Variants in PHF14 observed in about 807,000 individuals in gnomAD.
The protein encoded by PHF14 is PHD finger protein 14.
PHF14 carries 55 observed loss-of-function variants against 117.9 expected under a neutral mutation model. That is an observed-to-expected ratio of 0.47 (90% CI 0.38 to 0.58). PHF14 has a LOEUF of 0.58. Among genes scored for constraint, PHF14 ranks in the 20% least tolerant of loss-of-function variants. The pLI, the probability that PHF14 is intolerant of heterozygous loss-of-function variation, is 0.00. For synonymous variants in PHF14, 409 were observed against 368.6 expected (o/e 1.11, Z -1.26); for missense variants, 978 against 1,122.2 (o/e 0.87, Z 1.84).
intron 17 of PHF14, among the ~76,000 whole-genome samples, chr7:11,167,919 G>A (rs574513004): frequency 5.3e-5 from 8 of 151,838 alleles, no homozygotes; most frequent in Admixed American, 4.6e-4. Context: ...CCAGCTACTC[G>A]GGAGGCTGAG....
intron 17 of PHF14, among the ~76,000 whole-genome samples, chr7:11,153,268 G>C (rs1409605781): frequency 6.6e-6 from 1 of 152,008 alleles, no homozygotes; most frequent in Non-Finnish European, 1.5e-5. Flanking sequence ...GATACCCTTG[G>C]GTGATAAAGA....
intron 6 of PHF14, among the ~76,000 whole-genome samples, chr7:11,024,610 A>T (rs1783848880): frequency 6.6e-6 from 1 of 152,152 alleles, no homozygotes; most frequent in South Asian, 2.1e-4. Context: ...ATTATGTTAA[A>T]TCTACTCTGC....
chr7:10,986,605 C>T (rs780135770), intron 3 of PHF14, among the ~76,000 whole-genome samples: 6 of 152,166 alleles, frequency 3.9e-5, no homozygotes, highest in Non-Finnish European at 7.4e-5. Context: ...CTGTTTTTGT[C>T]AATAACCTTA....
Position 11,045,411 on chromosome 7 carries a change from G to A in PHF14, c.2312+2597G>A, listed in dbSNP as rs1359883817. 2.6e-5 allele frequency among the ~76,000 whole-genome samples: 4 copies of A among 151,926 alleles called. No individual in the cohort carries two copies. The East Asian group carries it at 5.8e-4, about 22-fold the overall frequency. On this transcript the variant is annotated intron_variant, in intron 13 of 17. Transcript: ENST00000634607. ...TCTGGTATAATATTTCTGAATGGCCGGTTTATTTTTGCTGTCTTTATGTTT... is the reference window on the plus strand; with the variant it reads ...TCTGGTATAATATTTCTGAATGGCCAGTTTATTTTTGCTGTCTTTATGTTT...
At chr7:11,068,072 C>A (rs201123246) in intron 16 of PHF14, among the ~76,000 whole-genome samples, 1 of 152,028 alleles carries the variant, frequency 6.6e-6, no homozygotes, top group African/African-American at 2.4e-5. Context: ...AATTCTGGGC[C>A]GGGTGCGGTG....
chr7:11,157,480 T>G (rs775963966), intron 17 of PHF14, among the ~76,000 whole-genome samples: 15 of 152,148 alleles, frequency 9.9e-5, no homozygotes, highest in Non-Finnish European at 1.9e-4. Context: ...CAAATGATGC[T>G]TCTATGGAGA....
At chr7:11,141,200 A>G (rs930599997) in intron 17 of PHF14, among the ~76,000 whole-genome samples, 4 of 152,086 alleles carry the variant, frequency 2.6e-5, no homozygotes, top group African/African-American at 2.4e-5. Context: ...TTCATTTAGC[A>G]TAGTTGAGAT....
intron 3 of PHF14, among the ~76,000 whole-genome samples, chr7:10,984,292 G>C (rs912935697): frequency 3.9e-5 from 6 of 152,098 alleles, no homozygotes; most frequent in Admixed American, 2.0e-4. Flanking sequence ...TATCAGTGGA[G>C]ATGAGACAGC....
intron 13 of PHF14, among the ~76,000 whole-genome samples, chr7:11,049,777 C>T (rs1784791483): frequency 6.6e-6 from 1 of 152,104 alleles, no homozygotes; most frequent in South Asian, 2.1e-4. Flanking sequence ...TTTTCTTTTG[C>T]CAGTCCTTGA....
chr7:11,007,085 G>C (rs1287962177), intron 4 of PHF14, among the ~76,000 whole-genome samples: 1 of 151,998 alleles, frequency 6.6e-6, no homozygotes, highest in Non-Finnish European at 1.5e-5. Flanking sequence ...GCTGAGGCAG[G>C]AGAATCGCTT....
chr7:11,098,403 G>A (rs912427291), intron 16 of PHF14, among the ~76,000 whole-genome samples: 2 of 151,896 alleles, frequency 1.3e-5, no homozygotes, highest in Admixed American at 6.6e-5. Context: ...TTCTCTTGCC[G>A]CCTTTCTCTG....
intron 17 of PHF14, among the ~76,000 whole-genome samples, chr7:11,143,699 G>T (rs906354301): frequency 2.3e-4 from 35 of 151,994 alleles, no homozygotes; most frequent in Non-Finnish European, 4.4e-5. Context: ...TAAGCATCTT[G>T]TAAGTGTAAC....
chr7:11,095,932 C>T (rs1434306552), intron 16 of PHF14, among the ~76,000 whole-genome samples: 1 of 151,836 alleles, frequency 6.6e-6, no homozygotes, highest in East Asian at 1.9e-4. Context: ...ATATCTCTAC[C>T]TGTATATAGA....
Position 11,067,612 on chromosome 7 carries a change from C to T in PHF14, c.2654+5527C>T, listed in dbSNP as rs925303548. Among the ~76,000 whole-genome samples, 3 of 152,266 alleles carry T rather than the reference C, an allele frequency of 2.0e-5. No homozygotes were observed. The South Asian group carries it at 6.2e-4, about 32-fold the overall frequency. On this transcript the variant is annotated intron_variant, in intron 16 of 17. Coordinates refer to ENST00000634607, the MANE Select transcript of PHF14 (RefSeq NM_001007157.2). ...AAAATGTAGTGTATATATGTATATT[C>T]TCTTAGTCCATTTTATGTTGCTAAG...
chr7:11,108,159 C>G (rs949949107), intron 16 of PHF14: 2 of 151,682 alleles, frequency 1.3e-5, no homozygotes, highest in East Asian at 3.9e-4. Context: ...TGCTAGAGTT[C>G]ACTTGTGTCC....
At chr7:11,006,542 T>C in intron 4 of PHF14, 1 of 582,826 alleles carries the variant, frequency 1.7e-6, no homozygotes, top group Admixed American at 1.9e-5. Context: ...TCACAGCCTG[T>C]TTGATCTGGT....
At chr7:11,091,175 G>T (rs1786628443) in intron 16 of PHF14, among the ~76,000 whole-genome samples, 1 of 152,174 alleles carries the variant, frequency 6.6e-6, no homozygotes, top group Non-Finnish European at 1.5e-5. Flanking sequence ...ACTGATGGAA[G>T]TAGAAATGCA....
intron 17 of PHF14, among the ~76,000 whole-genome samples, chr7:11,139,231 C>CAATATATTACAGAT (rs1250821365): frequency 3.6e-4 from 55 of 152,186 alleles, no homozygotes; most frequent in African/African-American, 1.3e-3. Context: ...TATTAAAAAA[C>CAATATATTACAGAT]ATATTGAGAG....
At position 11,056,702 on chromosome 7, in the gene PHF14, T is replaced by TA. The variant is rs1472020474; in HGVS notation, c.2481+4923dup. On this transcript the variant is annotated intron_variant, in intron 14 of 17. Transcript: ENST00000634607. ...TTCATAATTGAAAGACAAATATTTT[T>TA]AGGAATTATGTATATGTATAATTTT... Among the ~76,000 whole-genome samples the TA allele has an allele frequency of 2.4e-4, 37 of 151,034 alleles. No individual in the cohort carries two copies. In the East Asian group the frequency reaches 6.9e-3, roughly 28 times the overall value.
Sources: allele counts gnomAD v4.1 joint callset (sites outside exome capture counted in the v4.1 genomes callset), GRCh38; gene constraint gnomAD v4.1.1; transcripts MANE v1.5; gene names NCBI Gene and HGNC (gene_info 2026-07-23, HGNC 2026-07-21).